The following FAM228B variants were observed in gnomAD, a reference collection of about 807,000 sequenced individuals.
FAM228B encodes family with sequence similarity 228 member B, also known as protein FAM228B.
FAM228B carries 38 observed loss-of-function variants against 42.6 expected under a neutral mutation model. The observed-to-expected ratio is 0.89, with a 90% CI of 0.69 to 1.17. The LOEUF (loss-of-function observed/expected upper bound fraction) is 1.17, where lower values mean the gene tolerates loss of function less well. Among genes scored for constraint, FAM228B ranks in the 50% most tolerant of loss-of-function variants. The pLI is 0.00. For synonymous variants in FAM228B, 109 were observed against 122.3 expected, an observed-to-expected ratio of 0.89 and a Z score of 0.72; for missense variants, 344 against 367.3, an observed-to-expected ratio of 0.94 and a Z score of 0.52.
At chr2:24,112,108 T>C (rs969363214) in intron 3 of FAM228B, among the ~76,000 whole-genome samples, 1 of 152,216 alleles carries the variant, frequency 6.6e-6, no homozygotes, top group Non-Finnish European at 1.5e-5. Context: ...AATGTTTATA[T>C]GATATGCAGC....
At position 24,159,355 on chromosome 2, in the gene FAM228B, T is replaced by G. The variant is rs1397699767; in HGVS notation, c.687-2151T>G. 4.6e-5 allele frequency among the ~76,000 whole-genome samples: 7 copies of G among 152,212 alleles called. No homozygotes were observed. The East Asian group carries it at 1.2e-3, about 25-fold the overall frequency. On this transcript the variant is annotated intron_variant, in intron 7 of 10. Transcript: ENST00000615575. ...ACAATCGAATAGAGAAGACAGATAT[T>G]TAAGCAGATCATTCTATTACAATGT...
intron 7 of FAM228B, among the ~76,000 whole-genome samples, chr2:24,149,286 T>C (rs1666968454): frequency 6.6e-6 from 1 of 152,200 alleles, no homozygotes; most frequent in East Asian, 1.9e-4. Context: ...TTTTAGTTTT[T>C]TGAGGCTCCT....
In FAM228B at chr2:24,084,340, ACAGGGCAGGG is replaced by A; in HGVS notation, c.-210+3395_-210+3404del. On this transcript the variant is annotated intron_variant, in intron 2 of 10. Coordinates refer to the FAM228B transcript ENST00000613899. The surrounding 1 kb of genome is among the most constrained non-coding windows in gnomAD (Gnocchi z 8.4). ...CACGGCTAACATATTGTCTGAGGAC[ACAGGGCAGGG>A]CAGGGCAGGACAGGACAGGGCAGGG... 6.8e-7 allele frequency: 1 copy of A among 1,476,438 alleles called. No individual in the cohort carries two copies. The highest frequency in any genetic ancestry group is 1.2e-5 in the South Asian group (1 of 81,316). The allele number at this position is 1,476,438 out of a possible 1,614,324, so 91.5% of individuals were successfully genotyped here. A position where few individuals can be genotyped will look rare whatever the true frequency, so the allele number is the denominator to read the frequency against.
chr2:24,128,768 T>C (rs2151014643), intron 2 of FAM228B, among the ~76,000 whole-genome samples: 3 of 152,318 alleles, frequency 2.0e-5, no homozygotes, highest in Non-Finnish European at 4.4e-5. Context: ...TGGATTCAGT[T>C]AAGTTACTTG....
chr2:24,116,856 G>C (rs988213244), intron 3 of FAM228B, among the ~76,000 whole-genome samples: 1 of 148,168 alleles, frequency 6.7e-6, no homozygotes, highest in South Asian at 2.1e-4. Context: ...TAGCCTGGCT[G>C]ATAGAATGAA....
upstream of FAM228B, chr2:24,122,809 T>C (rs928627646): frequency 6.2e-6 from 2 of 322,408 alleles, no homozygotes; most frequent in Non-Finnish European, 1.1e-5. Flanking sequence ...TTTCTGGCTA[T>C]GTCAATGGTT....
intron 7 of FAM228B, among the ~76,000 whole-genome samples, chr2:24,147,637 A>G (rs1255524887): frequency 5.9e-5 from 9 of 151,962 alleles, no homozygotes; most frequent in Non-Finnish European, 1.0e-4. Flanking sequence ...TTTTAAGTTC[A>G]CTGCCCTTCC....
rs1403857243 is a variant in FAM228B at position 24,084,160 on chromosome 2, C to T, written c.-210+3205C>T. On this transcript the variant is annotated intron_variant, in intron 2 of 10. Coordinates refer to the FAM228B transcript ENST00000613899. This position sits in a 1 kb window ranked among gnomAD's most constrained non-coding sequence, Gnocchi z 8.4. The stretch of plus-strand genomic sequence containing the variant: ...TGAGAGGGAGGCTCTGGAGTCCCGC[C>T]CGCCCCGGCGCGGCTGAGCCCTGGG... 1.3e-6 allele frequency: 2 copies of T among 1,592,402 alleles called. No individual in the cohort carries two copies. Among genetic ancestry groups the T allele is most frequent in the Non-Finnish European group, 1.7e-6 (2 of 1,171,206 alleles).
At position 24,147,018 on chromosome 2, in the gene FAM228B, T is replaced by A; in HGVS notation, c.618T>A (p.Phe206Leu). The change falls in exon 7 of 11, where the codon TTT becomes TTA. Residue 206 changes from phenylalanine to leucine, a missense_variant. Coordinates refer to ENST00000615575, the MANE Select transcript of FAM228B (RefSeq NM_001145710.2). Reference protein sequence around the residue: ...RFPQISNSRHFITPNEWLKLP... With the variant: ...RFPQISNSRHLITPNEWLKLP... ...CACAAATTTCTAATTCAAGGCACTT[T>A]ATAACTCCAAACGAGTGGCTGAAAC... 3 of 1,551,488 alleles carry A rather than the reference T, an allele frequency of 1.9e-6. No homozygotes were observed. The highest frequency in any genetic ancestry group is 2.6e-6 in the Non-Finnish European group (3 of 1,146,838).
chr2:24,133,396 A>G (rs1176562943), intron 2 of FAM228B, among the ~76,000 whole-genome samples: 3 of 152,288 alleles, frequency 2.0e-5, no homozygotes, highest in Non-Finnish European at 4.4e-5. Context: ...CTATGCTTCT[A>G]GTTGTTGCTT....
chr2:24,168,564 T>G (rs944620657), intron 10 of FAM228B, among the ~76,000 whole-genome samples: 4 of 152,142 alleles, frequency 2.6e-5, no homozygotes, highest in African/African-American at 9.7e-5. Context: ...TAGAGTGGGT[T>G]CAGGAGAGAA....
Position 24,084,136 on chromosome 2 carries a change from G to T in FAM228B, c.-210+3181G>T. On this transcript the variant is annotated intron_variant, in intron 2 of 10. Coordinates refer to the FAM228B transcript ENST00000613899. This position sits in a 1 kb window ranked among gnomAD's most constrained non-coding sequence, Gnocchi z 8.4. ...TGGTCAATGTCCACTGAGTGCTGTT[G>T]AGAGGGAGGCTCTGGAGTCCCGCCC... 1 of 1,568,160 alleles carries T rather than the reference G, an allele frequency of 6.4e-7. No individual in the cohort carries two copies. Among genetic ancestry groups the T allele is most frequent in the Non-Finnish European group, 8.6e-7 (1 of 1,161,438 alleles).
intron 7 of FAM228B, among the ~76,000 whole-genome samples, chr2:24,161,073 TG>T (rs1364512199): frequency 1.3e-5 from 2 of 152,244 alleles, no homozygotes; most frequent in Non-Finnish European, 2.9e-5. Flanking sequence ...GTTGGAATAA[TG>T]ATGTTTTTGT....
At position 24,080,227 on chromosome 2, in the gene FAM228B, C is replaced by T. The variant is rs938008028; in HGVS notation, c.-289-649C>T. 2.0e-5 allele frequency among the ~76,000 whole-genome samples: 3 copies of T among 151,858 alleles called. No individual in the cohort carries two copies. The highest frequency in any genetic ancestry group is 2.0e-4 in the Admixed American group (3 of 15,238). ...CAAAAATTAGCTGGGCGTGGTGGTG[C>T]GCCTGTGATCTCAGCTACTCAGGAG... On this transcript the variant is annotated intron_variant, in intron 1 of 10. Transcript: ENST00000613899. The surrounding 1 kb of genome is among the most constrained non-coding windows in gnomAD (Gnocchi z 4.7).
chr2:24,113,427 G>A (rs10172426), intron 3 of FAM228B, among the ~76,000 whole-genome samples: 17,710 of 152,008 alleles, frequency 0.12, 1,234 homozygotes, highest in South Asian at 0.18. Context: ...TTAAAAATTA[G>A]CTGCACGTGG....
intron 2 of FAM228B, among the ~76,000 whole-genome samples, chr2:24,086,469 T>A (rs1166168300): frequency 1.3e-5 from 2 of 151,920 alleles, no homozygotes; most frequent in African/African-American, 4.8e-5. Context: ...TTAAAAAAAA[T>A]GGCTTCCTTC....
chr2:24,155,527 ATATATTTTTTTTT>A (rs1201023191), intron 7 of FAM228B, among the ~76,000 whole-genome samples: 202 of 18,974 alleles, frequency 0.011, no homozygotes, highest in African/African-American at 0.029. Context: ...ATATATATAT[ATATATTTTTTTTT>A]TTTTTTTTTT....
At chr2:24,150,541 C>T (rs894587393) in intron 7 of FAM228B, among the ~76,000 whole-genome samples, 4 of 152,068 alleles carry the variant, frequency 2.6e-5, no homozygotes, top group Non-Finnish European at 5.9e-5. Context: ...TCTTGTGCCT[C>T]AGCCTCCCAA....
chr2:24,082,920 G>A, intron 2 of FAM228B: 2 of 1,612,448 alleles, frequency 1.2e-6, no homozygotes, highest in Non-Finnish European at 1.7e-6. Context: ...GGTGAGCCAG[G>A]CCTCTGGGAT....
Sources: allele counts gnomAD v4.1 joint callset (sites outside exome capture counted in the v4.1 genomes callset), GRCh38; gene constraint gnomAD v4.1.1; non-coding constraint Gnocchi (gnomAD v3.1); transcripts MANE v1.5; gene names NCBI Gene and HGNC (gene_info 2026-07-23, HGNC 2026-07-21).